DLG2: variants seen among roughly 807,000 people sequenced by gnomAD.
The protein encoded by DLG2 is disks large homolog 2.
Under a neutral mutation model 132.5 loss-of-function variants are expected in DLG2, and 45 were observed. The ratio of observed to expected loss-of-function variants is 0.34; its 90% CI spans 0.27 to 0.44. DLG2 has a LOEUF of 0.44. Ranked by LOEUF, DLG2 falls within the 20% of genes least tolerant of loss-of-function variation. The probability of loss-of-function intolerance (pLI) is 1.00; values close to 1 mark genes in which losing one functional copy is unlikely to be tolerated. For synonymous variants in DLG2, 424 were observed against 419.6 expected (o/e 1.01, Z -0.13); for missense variants, 1,045 against 1,196.9 (o/e 0.87, Z 1.87).
At position 83,997,813 on chromosome 11, in the gene DLG2, T is replaced by C. The variant is rs566252176; in HGVS notation, c.920-17171A>G. Among the ~76,000 whole-genome samples, 135 of 144,722 alleles carry C rather than the reference T, an allele frequency of 9.3e-4. 3 individuals are homozygous for C. Among genetic ancestry groups the C allele is most frequent in the African/African-American group, 3.3e-3 (131 of 39,558 alleles). The allele number at this position is 144,722 out of a possible 152,430, so 94.9% of individuals were successfully genotyped here. On this transcript the variant is annotated intron_variant, in intron 11 of 27. Transcript: ENST00000376104. ...CATACAAACAGGAAACCCAAATCGTTTATCAGGAAAGAAGAGGTGACAATT... is the reference window on the plus strand; with the variant it reads ...CATACAAACAGGAAACCCAAATCGTCTATCAGGAAAGAAGAGGTGACAATT...
intron 18 of DLG2, among the ~76,000 whole-genome samples, chr11:83,659,553 G>A (rs1442253350): frequency 6.6e-6 from 1 of 152,194 alleles, no homozygotes; most frequent in Non-Finnish European, 1.5e-5. Flanking sequence ...TGGCCTGTAA[G>A]GTTTTCTTAC....
At chr11:85,358,643 A>G (rs1282345470) in intron 3 of DLG2, among the ~76,000 whole-genome samples, 1 of 152,208 alleles carries the variant, frequency 6.6e-6, no homozygotes, top group African/African-American at 2.4e-5. Context: ...CAGTGTTCCA[A>G]ATTGCTTCAA....
chr11:84,394,994 A>T (rs144736518), intron 7 of DLG2, among the ~76,000 whole-genome samples: 63 of 152,264 alleles, frequency 4.1e-4, no homozygotes, highest in African/African-American at 1.5e-3. Context: ...GATACTCACC[A>T]GTCCTCACCT....
intron 7 of DLG2, among the ~76,000 whole-genome samples, chr11:84,266,976 C>T (rs2097647204): frequency 6.6e-6 from 1 of 152,120 alleles, no homozygotes; most frequent in Non-Finnish European, 1.5e-5. Flanking sequence ...TTCATAATGT[C>T]ATGTGGAGAT....
rs543904947 is a variant in DLG2 at position 83,742,707 on chromosome 11, C to T, written c.1825+43983G>A. Among the ~76,000 whole-genome samples, 12 of 152,292 alleles carry T rather than the reference C, an allele frequency of 7.9e-5. No homozygotes were observed. The East Asian group carries it at 2.3e-3, about 29-fold the overall frequency. On this transcript the variant is annotated intron_variant, in intron 18 of 27. Coordinates refer to ENST00000376104, the MANE Select transcript of DLG2 (RefSeq NM_001142699.3). The stretch of plus-strand genomic sequence containing the variant: ...AGCAGTAGTATTTACTGGGCACACA[C>T]TACATTTCAAACCTTCCCAAAATAC...
chr11:84,307,569 G>A (rs1280739893), intron 7 of DLG2, among the ~76,000 whole-genome samples: 1 of 151,918 alleles, frequency 6.6e-6, no homozygotes, highest in East Asian at 1.9e-4. Context: ...AGTGAAGGGC[G>A]CCTGTAGTCC....
chr11:84,523,289 T>C (rs1393164400), intron 7 of DLG2, among the ~76,000 whole-genome samples: 2 of 152,204 alleles, frequency 1.3e-5, no homozygotes, highest in African/African-American at 4.8e-5. Context: ...CAGCATGGAA[T>C]GTGAATTCCA....
At chr11:84,343,861 T>C (rs2098526946) in intron 7 of DLG2, among the ~76,000 whole-genome samples, 1 of 152,198 alleles carries the variant, frequency 6.6e-6, no homozygotes, top group African/African-American at 2.4e-5. Context: ...AAAAATTGTC[T>C]TGAAATATTA....
intron 18 of DLG2, among the ~76,000 whole-genome samples, chr11:83,669,770 T>C (rs2076523119): frequency 6.6e-6 from 1 of 152,218 alleles, no homozygotes; most frequent in African/African-American, 2.4e-5. Context: ...AAAGCTATCA[T>C]GTATTTCTCT....
intron 4 of DLG2, among the ~76,000 whole-genome samples, chr11:85,248,983 G>A (rs961117067): frequency 6.6e-6 from 1 of 151,958 alleles, no homozygotes; most frequent in Non-Finnish European, 1.5e-5. Context: ...TCAACTCAAT[G>A]AAATATAATC....
At chr11:83,679,317 T>C (rs780903566) in intron 18 of DLG2, among the ~76,000 whole-genome samples, 1 of 152,192 alleles carries the variant, frequency 6.6e-6, no homozygotes, top group Non-Finnish European at 1.5e-5. Flanking sequence ...TATTTACTAG[T>C]ATTGTCAGGT....
At chr11:83,534,741 C>T (rs1035194609) in intron 20 of DLG2, among the ~76,000 whole-genome samples, 6 of 151,900 alleles carry the variant, frequency 3.9e-5, no homozygotes, top group South Asian at 2.1e-4. Flanking sequence ...GTTCGAGACC[C>T]GCCTGGCCAA....
intron 15 of DLG2, among the ~76,000 whole-genome samples, chr11:83,906,722 A>C (rs1452360835): frequency 6.6e-6 from 1 of 152,146 alleles, no homozygotes. Flanking sequence ...AAGAAACTTC[A>C]CCAAGGTAAT....
At chr11:84,948,942 G>C (rs139076309) in intron 6 of DLG2, among the ~76,000 whole-genome samples, 28 of 152,310 alleles carry the variant, frequency 1.8e-4, no homozygotes, top group Non-Finnish European at 3.7e-4. Flanking sequence ...GTACATATTT[G>C]ACAGTTACTG....
intron 6 of DLG2, among the ~76,000 whole-genome samples, chr11:84,721,360 A>G (rs910858291): frequency 2.6e-5 from 4 of 152,174 alleles, no homozygotes; most frequent in South Asian, 4.1e-4. Context: ...TTTATTTGAC[A>G]TAACATTTGT....
chr11:84,161,767 C>A (rs2095552012), intron 9 of DLG2, among the ~76,000 whole-genome samples: 1 of 152,096 alleles, frequency 6.6e-6, no homozygotes, highest in Non-Finnish European at 1.5e-5. Flanking sequence ...TTTAGAAAGG[C>A]CCCACGTTTT....
At chr11:84,923,192 G>A (rs1033901753) in intron 6 of DLG2, 142 of 1,608,020 alleles carry the variant, frequency 8.8e-5, no homozygotes, top group Non-Finnish European at 1.0e-4. Flanking sequence ...CACGATCCTG[G>A]GCATGTGCTA....
chr11:85,020,669 G>C (rs952595455), intron 6 of DLG2: 15 of 420,748 alleles, frequency 3.6e-5, no homozygotes, highest in Non-Finnish European at 2.3e-5. Flanking sequence ...ACAAGAAATG[G>C]GGAAAGGATT....
At chr11:84,099,411 G>A (rs2092200226) in intron 9 of DLG2, among the ~76,000 whole-genome samples, 1 of 151,962 alleles carries the variant, frequency 6.6e-6, no homozygotes, top group Non-Finnish European at 1.5e-5. Flanking sequence ...GAAAGAGGAA[G>A]AAAAAAGTTA....
Sources: gnomAD v4.1 joint callset for allele counts (sites outside exome capture counted in the v4.1 genomes callset) on GRCh38, gnomAD v4.1.1 for gene constraint, MANE v1.5 for transcripts, NCBI Gene and HGNC (gene_info 2026-07-23, HGNC 2026-07-21) for gene names.